The following CRTC1 variants were observed in gnomAD, a reference collection of about 807,000 sequenced individuals.
CRTC1 encodes the protein CREB regulated transcription coactivator 1.
CRTC1 carries 18 observed loss-of-function variants against 66.1 expected under a neutral mutation model. The observed-to-expected ratio is 0.27, with a 90% confidence interval of 0.19 to 0.40. CRTC1 has a LOEUF of 0.40. CRTC1 is among the 10% of genes least tolerant of loss of function. The probability of loss-of-function intolerance (pLI) is 1.00; values close to 1 mark genes in which losing one functional copy is unlikely to be tolerated. For synonymous variants in CRTC1, 416 were observed against 398.8 expected (o/e 1.04, Z -0.51); for missense variants, 669 against 887.9 (o/e 0.75, Z 3.13).
At position 18,759,922 on chromosome 19, in the gene CRTC1, G is replaced by A. The variant is rs920378499; in HGVS notation, c.666-86G>A. 101 of 965,778 alleles carry A rather than the reference G, an allele frequency of 1.0e-4. 2 individuals carry two copies. Among genetic ancestry groups the A allele is most frequent in the South Asian group, 9.4e-4 (51 of 54,430 alleles). The allele number at this position is 965,778 out of a possible 1,614,324, so 59.8% of individuals were successfully genotyped here. A position where few individuals can be genotyped will look rare whatever the true frequency, so the allele number is the denominator to read the frequency against. ...TGATGGGGGGTGGCCTTTTGCACCC[G>A]CTGATTTTCTCCCGCCAGCCCCCTG... On this transcript the variant is annotated intron_variant, in intron 7 of 13. Transcript: ENST00000321949.
intron 1 of CRTC1, among the ~76,000 whole-genome samples, chr19:18,713,865 C>A (rs1381848160): frequency 1.3e-5 from 2 of 152,250 alleles, no homozygotes; most frequent in Non-Finnish European, 2.9e-5. Context: ...AGGACACAGC[C>A]CTGCAGTATC....
chr19:18,756,355 A>AAAT, intron 6 of CRTC1, among the ~76,000 whole-genome samples: 1 of 147,596 alleles, frequency 6.8e-6, no homozygotes, highest in Admixed American at 6.9e-5. Flanking sequence ...AAAAAAAAAA[A>AAAT]CTCTAGGCTG....
intron 1 of CRTC1, among the ~76,000 whole-genome samples, chr19:18,713,810 G>A (rs1467515748): frequency 1.3e-5 from 2 of 152,268 alleles, no homozygotes; most frequent in Non-Finnish European, 2.9e-5. Flanking sequence ...TGCACGCGCG[G>A]GGAGGAGCTG....
At chr19:18,746,325 T>C (rs2054235444) in intron 3 of CRTC1, among the ~76,000 whole-genome samples, 1 of 152,098 alleles carries the variant, frequency 6.6e-6, no homozygotes. Context: ...TGATGAGGCC[T>C]CTCCTACGCG....
chr19:18,696,564 G>A (rs1397409651), intron 1 of CRTC1, among the ~76,000 whole-genome samples: 1 of 152,152 alleles, frequency 6.6e-6, no homozygotes. Context: ...GAGGAGCTGG[G>A]ACTTGAACCT....
chr19:18,745,195 A>G (rs952861413), intron 2 of CRTC1, among the ~76,000 whole-genome samples: 1 of 152,166 alleles, frequency 6.6e-6, no homozygotes, highest in Middle Eastern at 3.2e-3. Flanking sequence ...GCAGTGGGCC[A>G]TGGCTCCGGA....
At chr19:18,707,105 T>TTA (rs2053284447) in intron 1 of CRTC1, among the ~76,000 whole-genome samples, 1 of 152,204 alleles carries the variant, frequency 6.6e-6, no homozygotes. Context: ...ATCCAAGAAA[T>TTA]TATTGCCAAC....
chr19:18,750,062 A>C (rs1044170412), intron 5 of CRTC1, among the ~76,000 whole-genome samples, 187 bp downstream of exon 5: 3 of 152,212 alleles, frequency 2.0e-5, no homozygotes, highest in African/African-American at 7.2e-5. Context: ...GATTTTGAAG[A>C]GTGCATAGGA....
In CRTC1 at chr19:18,768,809, G is replaced by T; in HGVS notation, c.1320+16G>T. 1.9e-6 allele frequency: 3 copies of T among 1,583,708 alleles called. No homozygotes were observed. The African/African-American group carries it at 4.0e-5, about 21-fold the overall frequency. On this transcript the variant is annotated intron_variant, in intron 10 of 13. Transcript: ENST00000321949. This position sits in a 1 kb window ranked among gnomAD's most constrained non-coding sequence, Gnocchi z 5.6. ...CATCGCCTCGGTAAGCCCAGGGTGG[G>T]GTCCCTCGGGGCCTGACTGGGGGTC...
At chr19:18,752,756 G>T (rs1490848366) in intron 5 of CRTC1, among the ~76,000 whole-genome samples, 2 of 151,566 alleles carry the variant, frequency 1.3e-5, no homozygotes, top group Non-Finnish European at 2.9e-5. Context: ...TTCTGCCTCA[G>T]CCTCCCAAGT....
At chr19:18,738,173 C>T (rs1399235033) in intron 1 of CRTC1, among the ~76,000 whole-genome samples, 1 of 151,948 alleles carries the variant, frequency 6.6e-6, no homozygotes, top group Non-Finnish European at 1.5e-5. Context: ...AAAAATTAGC[C>T]AGGCATGGTG....
At chr19:18,744,021 A>G in intron 2 of CRTC1, 1 of 1,464,104 alleles carries the variant, frequency 6.8e-7, no homozygotes, top group Non-Finnish European at 9.5e-7. Context: ...CCCGAGGCCC[A>G]CAGCCCGGGG....
chr19:18,744,251 A>G, intron 2 of CRTC1: 6 of 1,239,340 alleles, frequency 4.8e-6, no homozygotes, highest in Non-Finnish European at 6.7e-6. Flanking sequence ...GAGCTCCCCA[A>G]GCGGCCGCCC....
At chr19:18,707,652 G>C (rs2053295466) in intron 1 of CRTC1, among the ~76,000 whole-genome samples, 1 of 152,124 alleles carries the variant, frequency 6.6e-6, no homozygotes, top group Admixed American at 6.5e-5. Flanking sequence ...TATTTTGGTA[G>C]GGATTGCATT....
chr19:18,757,949 T>C lies in CRTC1; in HGVS notation c.625-1602T>C, dbSNP rs548939387. Among the ~76,000 whole-genome samples the C allele has an allele frequency of 5.9e-3, 862 of 145,114 alleles. 6 individuals are homozygous for C. The highest frequency in any genetic ancestry group is 0.017 in the African/African-American group (673 of 39,230). On this transcript the variant is annotated intron_variant, in intron 6 of 13. Transcript: ENST00000321949. ...AGGAGAAAGGCGTGAACCTGGGAGG[T>C]GGAGCTTGCAGTGAGCCGAGATCGT... is the stretch of plus-strand genomic sequence containing the variant.
Position 18,741,359 on chromosome 19 carries a change from G to A in CRTC1, c.127-1551G>A, listed in dbSNP as rs985929683. Among the ~76,000 whole-genome samples, 4 of 152,216 alleles carry A rather than the reference G, an allele frequency of 2.6e-5. No homozygotes were observed. The highest frequency in any genetic ancestry group is 2.1e-4 in the South Asian group (1 of 4,834). ...ATGAGTACCTGCTGTGTCACACGTC[G>A]TGTGTCCCTCTCACACCCGCCTGTA... On this transcript the variant is annotated intron_variant, in intron 1 of 13. Coordinates refer to ENST00000321949, the MANE Select transcript of CRTC1 (RefSeq NM_015321.3). This position sits in a 1 kb window ranked among gnomAD's most constrained non-coding sequence, Gnocchi z 4.2.
In CRTC1 at chr19:18,760,065, C is replaced by T. The variant is rs1214077516; in HGVS notation, c.723C>T (p.Asn241=). 1.2e-6 allele frequency: 2 copies of T among 1,613,446 alleles called. No homozygotes were observed. The highest frequency in any genetic ancestry group is 4.5e-5 in the East Asian group (2 of 44,840). Residue 241 remains asparagine, a synonymous_variant, in exon 8 of 14, where the codon AAC becomes AAT. Coordinates refer to ENST00000321949, the MANE Select transcript of CRTC1 (RefSeq NM_015321.3). This position sits in a 1 kb window ranked among gnomAD's most constrained non-coding sequence, Gnocchi z 6.2. ...CAGCCCTGATCCCCGCCACCCACAA[C>T]ACAGGGGGGTCCCTGCCCGACCTGA... ...NTTALIPATH[N]TGGSLPDLTN...
chr19:18,693,582 C>T (rs1343624017), intron 1 of CRTC1, among the ~76,000 whole-genome samples: 1 of 150,598 alleles, frequency 6.6e-6, no homozygotes, highest in Non-Finnish European at 1.5e-5. Flanking sequence ...CCTGGGTTCA[C>T]GCCCTTCTCC....
chr19:18,759,515 G>A, intron 6 of CRTC1, 36 bp from the exon 7 acceptor site: 1 of 1,606,898 alleles, frequency 6.2e-7, no homozygotes, highest in Non-Finnish European at 8.5e-7. Flanking sequence ...CACAGGGTGT[G>A]CCCCAGGGCT....
Sources: allele counts gnomAD v4.1 joint callset (sites outside exome capture counted in the v4.1 genomes callset), GRCh38; gene constraint gnomAD v4.1.1; non-coding constraint Gnocchi (gnomAD v3.1); transcripts MANE v1.5; gene names NCBI Gene and HGNC (gene_info 2026-07-23, HGNC 2026-07-21).